Variants in ENTREP2 observed in about 807,000 individuals in gnomAD.
The protein encoded by ENTREP2 is endosomal transmembrane epsin interactor 2, also known as protein ENTREP2.
the ENTREP2 span, among the ~76,000 whole-genome samples, chr15:29,399,141 C>G: frequency 6.6e-6 from 1 of 152,160 alleles, no homozygotes; most frequent in Admixed American, 6.5e-5. Context: ...GTCACACAAC[C>G]CCCAAAATGA....
At chr15:29,199,845 T>A in the ENTREP2 span, among the ~76,000 whole-genome samples, 1 of 152,242 alleles carries the variant, frequency 6.6e-6, no homozygotes, top group Non-Finnish European at 1.5e-5. Flanking sequence ...AAATGTTTTA[T>A]AATTTTATTT....
At chr15:29,170,169 G>A in the ENTREP2 span, among the ~76,000 whole-genome samples, 22 of 151,786 alleles carry the variant, frequency 1.4e-4, no homozygotes, top group African/African-American at 3.6e-4. Context: ...TTAGCCAGGC[G>A]TGGTGGCGGG....
the ENTREP2 span, among the ~76,000 whole-genome samples, chr15:29,295,386 A>C: frequency 1.3e-5 from 2 of 152,182 alleles, no homozygotes; most frequent in Non-Finnish European, 1.5e-5. Flanking sequence ...CTGAATTGAC[A>C]GCCAGGCCTC....
the ENTREP2 span, among the ~76,000 whole-genome samples, chr15:29,221,191 A>C: frequency 6.6e-6 from 1 of 151,872 alleles, no homozygotes; most frequent in East Asian, 1.9e-4. Flanking sequence ...ACCACCTTTT[A>C]ATGCAAATGA....
At chr15:29,370,867 C>T in the ENTREP2 span, among the ~76,000 whole-genome samples, 1 of 152,010 alleles carries the variant, frequency 6.6e-6, no homozygotes, top group African/African-American at 2.4e-5. Context: ...CCTTGCTGTA[C>T]CCACATCATG....
chr15:29,611,237 TC>T, the ENTREP2 span: 1 of 151,584 alleles, frequency 6.6e-6, no homozygotes, highest in African/African-American at 2.4e-5. Context: ...ACTCCACCCT[TC>T]CCCCTTCCCT....
chr15:29,306,664 ATTTTTTTTT>A, the ENTREP2 span, among the ~76,000 whole-genome samples: 3 of 77,272 alleles, frequency 3.9e-5, no homozygotes, highest in East Asian at 3.8e-4. Flanking sequence ...ATAATTGGTA[ATTTTTTTTT>A]TTTTTTTTTT....
the ENTREP2 span, among the ~76,000 whole-genome samples, chr15:29,640,451 A>C: frequency 6.6e-6 from 1 of 152,270 alleles, no homozygotes; most frequent in South Asian, 2.1e-4. Flanking sequence ...TGAGCTCAGA[A>C]GTTTGAGACT....
the ENTREP2 span, among the ~76,000 whole-genome samples, chr15:29,198,977 T>C: frequency 1.3e-5 from 2 of 152,256 alleles, no homozygotes; most frequent in Non-Finnish European, 2.9e-5. Flanking sequence ...TATGCTGCCA[T>C]TTATATATCT....
chr15:29,478,390 T>C, the ENTREP2 span, among the ~76,000 whole-genome samples: 1 of 152,128 alleles, frequency 6.6e-6, no homozygotes, highest in South Asian at 2.1e-4. Context: ...GTAAACAACA[T>C]AAAAAATATT....
At chr15:29,192,918 G>T in the ENTREP2 span, among the ~76,000 whole-genome samples, 1 of 152,046 alleles carries the variant, frequency 6.6e-6, no homozygotes, top group Non-Finnish European at 1.5e-5. Flanking sequence ...AGCCATTCGT[G>T]GTATTAAAAA....
chr15:29,264,487 A>G, the ENTREP2 span, among the ~76,000 whole-genome samples: 1 of 152,202 alleles, frequency 6.6e-6, no homozygotes, highest in Admixed American at 6.5e-5. Context: ...GGACAAATTG[A>G]AATTTTGTGC....
the ENTREP2 span, among the ~76,000 whole-genome samples, chr15:29,262,320 T>C: frequency 2.6e-4 from 40 of 152,224 alleles, 1 homozygote; most frequent in Admixed American, 2.0e-3. Flanking sequence ...AGGCCTCTGA[T>C]TGTGGGTCAA....
the ENTREP2 span, among the ~76,000 whole-genome samples, chr15:29,220,987 G>A: frequency 6.6e-6 from 1 of 152,062 alleles, no homozygotes; most frequent in Non-Finnish European, 1.5e-5. Context: ...CATTTCATGT[G>A]TGCCATCGTG....
the ENTREP2 span, among the ~76,000 whole-genome samples, chr15:29,408,950 AC>A: frequency 6.6e-6 from 1 of 152,206 alleles, no homozygotes; most frequent in Non-Finnish European, 1.5e-5. Context: ...TTTCTATATA[AC>A]CTGTGAGGCC....
chr15:29,402,648 TAAG>T, the ENTREP2 span, among the ~76,000 whole-genome samples: 2 of 152,224 alleles, frequency 1.3e-5, no homozygotes, highest in Middle Eastern at 6.8e-3. Context: ...ACGTTCACAC[TAAG>T]TGAAAGAAGA....
chr15:29,661,189 T>G, the ENTREP2 span, among the ~76,000 whole-genome samples: 1 of 152,174 alleles, frequency 6.6e-6, no homozygotes, highest in Non-Finnish European at 1.5e-5. Flanking sequence ...TCTGAGAAGA[T>G]TTTTTTGTTT....
At chr15:29,317,517 A>ACTCAAT in the ENTREP2 span, among the ~76,000 whole-genome samples, 6 of 152,360 alleles carry the variant, frequency 3.9e-5, 1 homozygote, top group Middle Eastern at 0.01. Context: ...TTGCATTCAA[A>ACTCAAT]GACTCAATCA....
At chr15:29,374,936 T>A in the ENTREP2 span, 6 of 152,328 alleles carry the variant, frequency 3.9e-5, no homozygotes, top group East Asian at 1.9e-4. Flanking sequence ...GGGTTTTTTT[T>A]ATACCTCCAT....
Sources: allele counts gnomAD v4.1 joint callset (sites outside exome capture counted in the v4.1 genomes callset), GRCh38; gene constraint gnomAD v4.1.1; transcripts MANE v1.5; gene names NCBI Gene and HGNC (gene_info 2026-07-23, HGNC 2026-07-21).